KCNH7: variants seen among roughly 807,000 people sequenced by gnomAD.
KCNH7 encodes voltage-gated inwardly rectifying potassium channel KCNH7.
Under a neutral mutation model 120.8 loss-of-function variants are expected in KCNH7, and 49 were observed. The ratio of observed to expected loss-of-function variants is 0.41; its 90% CI spans 0.32 to 0.51. The LOEUF is 0.51. Ranked by LOEUF, KCNH7 falls within the 20% of genes least tolerant of loss-of-function variation. KCNH7 has a pLI of 0.38. For synonymous variants in KCNH7, 547 were observed against 516.1 expected (o/e 1.06, Z -0.81); for missense variants, 1,097 against 1,446.6 (o/e 0.76, Z 3.92).
intron 2 of KCNH7, among the ~76,000 whole-genome samples, chr2:162,552,850 A>C (rs1692720026): frequency 6.6e-6 from 1 of 152,172 alleles, no homozygotes; most frequent in African/African-American, 2.4e-5. Context: ...TCTGCCATTA[A>C]CCAGTGAGTT....
At chr2:162,747,937 T>G (rs551415258) in intron 2 of KCNH7, among the ~76,000 whole-genome samples, 1 of 152,346 alleles carries the variant, frequency 6.6e-6, no homozygotes, top group South Asian at 2.1e-4. Context: ...CTTATTCTGA[T>G]TTTTTATTCT....
At chr2:162,714,050 T>C (rs1472965529) in intron 2 of KCNH7, among the ~76,000 whole-genome samples, 1 of 152,208 alleles carries the variant, frequency 6.6e-6, no homozygotes, top group Non-Finnish European at 1.5e-5. Flanking sequence ...GCCTAGCCAA[T>C]GTAGTATTAT....
chr2:162,664,401 C>T (rs1685067236), intron 2 of KCNH7, among the ~76,000 whole-genome samples: 2 of 152,160 alleles, frequency 1.3e-5, no homozygotes. Context: ...ACAGCAGGTG[C>T]TATGCTGGAT....
chr2:162,533,466 A>G (rs1194870030), intron 3 of KCNH7, among the ~76,000 whole-genome samples: 1 of 151,852 alleles, frequency 6.6e-6, no homozygotes, highest in Non-Finnish European at 1.5e-5. Context: ...GCAAATGACT[A>G]AAAGATGACT....
rs1300837402 is a variant in KCNH7 at position 162,504,564 on chromosome 2, G to C, written c.1007C>G (p.Thr336Ser). The C allele has an allele frequency of 1.2e-6, 2 of 1,612,676 alleles. No homozygotes were observed. The highest frequency in any genetic ancestry group is 1.7e-6 in the Non-Finnish European group (2 of 1,178,960). ...YSTINKIPQLTLNFSEVKTEK... is the reference protein window; with the variant it reads ...YSTINKIPQLSLNFSEVKTEK... ...AGTTTTGACCTCTGAAAAATTCAGA[G>C]TGAGCTGTGGAATCTTGTTAATGGT... The change falls in exon 6 of 16, where the codon ACT becomes AGT. Residue 336 changes from threonine (T) to serine (S), a missense_variant. Transcript: ENST00000332142.
chr2:162,489,470 C>T (rs148266871), intron 6 of KCNH7, among the ~76,000 whole-genome samples: 20 of 152,254 alleles, frequency 1.3e-4, no homozygotes, highest in African/African-American at 2.2e-4. Flanking sequence ...ATGCAGCTCA[C>T]GGGCTGAGGG....
intron 2 of KCNH7, among the ~76,000 whole-genome samples, chr2:162,777,227 A>C (rs13386031): frequency 6.6e-6 from 1 of 151,892 alleles, no homozygotes; most frequent in African/African-American, 2.4e-5. Context: ...ATCCAAGCAT[A>C]CTCAAGTTCT....
chr2:162,425,925 A>T (rs892906437), intron 8 of KCNH7, among the ~76,000 whole-genome samples: 1 of 152,136 alleles, frequency 6.6e-6, no homozygotes, highest in Non-Finnish European at 1.5e-5. Context: ...ATAAGAGACT[A>T]ATTTATGGTC....
At chr2:162,729,801 T>C (rs1687658842) in intron 2 of KCNH7, among the ~76,000 whole-genome samples, 1 of 152,154 alleles carries the variant, frequency 6.6e-6, no homozygotes, top group Non-Finnish European at 1.5e-5. Context: ...AATACTGTTT[T>C]ATTGGCCGTT....
intron 2 of KCNH7, among the ~76,000 whole-genome samples, chr2:162,543,048 G>A (rs1205380866): frequency 6.6e-6 from 1 of 152,094 alleles, no homozygotes; most frequent in Non-Finnish European, 1.5e-5. Flanking sequence ...GCATGTGGGA[G>A]GCTTGTGGCC....
chr2:162,554,930 G>C (rs1692806864), intron 2 of KCNH7, among the ~76,000 whole-genome samples: 1 of 152,176 alleles, frequency 6.6e-6, no homozygotes, highest in African/African-American at 2.4e-5. Flanking sequence ...TTTCATTTAT[G>C]AGTCTTTGTA....
At chr2:162,810,620 TCTAA>T (rs1210895282) in intron 2 of KCNH7, among the ~76,000 whole-genome samples, 1 of 152,222 alleles carries the variant, frequency 6.6e-6, no homozygotes. Flanking sequence ...CCTTATGCCA[TCTAA>T]CTGATGTTAG....
intron 6 of KCNH7, among the ~76,000 whole-genome samples, chr2:162,451,336 C>A (rs1688764707): frequency 6.6e-6 from 1 of 152,028 alleles, no homozygotes; most frequent in Non-Finnish European, 1.5e-5. Flanking sequence ...AACGAACCAA[C>A]TCTATCCAAA....
At chr2:162,813,060 A>T (rs1204241230) in intron 2 of KCNH7, among the ~76,000 whole-genome samples, 2 of 152,176 alleles carry the variant, frequency 1.3e-5, no homozygotes, top group East Asian at 3.9e-4. Context: ...GGAAGATAAT[A>T]AACCTCTCTA....
At chr2:162,776,501 A>G (rs563105368) in intron 2 of KCNH7, among the ~76,000 whole-genome samples, 1 of 152,276 alleles carries the variant, frequency 6.6e-6, no homozygotes, top group South Asian at 2.1e-4. Context: ...GAGAGGAGAA[A>G]GATGCATTGG....
chr2:162,678,857 G>T (rs933508047), intron 2 of KCNH7, among the ~76,000 whole-genome samples: 18 of 151,432 alleles, frequency 1.2e-4, no homozygotes, highest in African/African-American at 4.1e-4. Flanking sequence ...TTTATCCAAA[G>T]GTAGAGTGAG....
intron 4 of KCNH7, among the ~76,000 whole-genome samples, chr2:162,513,335 TTCCTTCCC>T (rs1425140487): frequency 2.2e-5 from 3 of 133,372 alleles, no homozygotes; most frequent in African/African-American, 7.9e-5. Context: ...CCTTCTTTCC[TTCCTTCCC>T]TCCTTCCCTC....
rs137922915 is a variant in KCNH7, at chr2:162,671,542, T to C, written c.308-134462A>G. On this transcript the variant is annotated intron_variant, in intron 2 of 15. Coordinates refer to ENST00000332142, the MANE Select transcript of KCNH7 (RefSeq NM_033272.4). The stretch of plus-strand genomic sequence containing the variant: ...GACATACAAAGTGAAATAACAGACG[T>C]TGGCAACTCCAAAAGGTGGGATAGT... Among the ~76,000 whole-genome samples, 11 of 152,128 alleles carry C rather than the reference T, an allele frequency of 7.2e-5. No homozygotes were observed. In the East Asian group the frequency reaches 2.1e-3, roughly 29 times the overall value.
chr2:162,603,248 T>C lies in KCNH7; in HGVS notation c.308-66168A>G, dbSNP rs1470773149. Among the ~76,000 whole-genome samples the C allele has an allele frequency of 3.9e-5, 6 of 151,976 alleles. No homozygotes were observed. In the South Asian group the frequency reaches 1.0e-3, roughly 26 times the overall value. ...GATTATAATTAGACCTTGAGATATA[T>C]AGATTGCAAGAAGATAAATTATGAC... On this transcript the variant is annotated intron_variant, in intron 2 of 15. Transcript: ENST00000332142.
Sources: allele counts gnomAD v4.1 joint callset (sites outside exome capture counted in the v4.1 genomes callset), GRCh38; gene constraint gnomAD v4.1.1; transcripts MANE v1.5; gene names NCBI Gene and HGNC (gene_info 2026-07-23, HGNC 2026-07-21).